Variants in ADGRB3 observed in about 807,000 individuals in gnomAD.
ADGRB3 encodes the protein brain-specific angiogenesis inhibitor 3.
A neutral mutation model predicts 193.4 loss-of-function variants in ADGRB3; 37 were observed. That is an observed-to-expected ratio of 0.19 (90% CI 0.15 to 0.25). ADGRB3 has a LOEUF of 0.25. ADGRB3 is among the 10% of genes least tolerant of loss of function. The pLI is 1.00. For missense variants in ADGRB3, 1,637 were observed against 1,852.9 expected, an observed-to-expected ratio of 0.88 and a Z score of 2.14; for synonymous variants, 690 against 644.2, an observed-to-expected ratio of 1.07 and a Z score of -1.08.
At chr6:68,733,030 C>T (rs564183314) in intron 3 of ADGRB3, among the ~76,000 whole-genome samples, 194 of 151,762 alleles carry the variant, frequency 1.3e-3, no homozygotes, top group South Asian at 6.4e-3. Flanking sequence ...TATTTACCAC[C>T]ATCTTTATAA....
At chr6:69,025,074 A>C (rs1429997312) in intron 13 of ADGRB3, among the ~76,000 whole-genome samples, 3 of 149,866 alleles carry the variant, frequency 2.0e-5, no homozygotes, top group African/African-American at 7.4e-5. Flanking sequence ...CCTGGGCGAC[A>C]GAGCGAGACT....
intron 11 of ADGRB3, among the ~76,000 whole-genome samples, chr6:69,006,013 A>G (rs975025458): frequency 3.3e-5 from 5 of 152,106 alleles, no homozygotes; most frequent in African/African-American, 9.7e-5. Context: ...CAACCATGGT[A>G]TTGGGCCTCT....
intron 3 of ADGRB3, among the ~76,000 whole-genome samples, chr6:68,762,495 T>C (rs560875697): frequency 9.9e-5 from 15 of 151,770 alleles, no homozygotes; most frequent in African/African-American, 3.6e-4. Context: ...AATATATATA[T>C]ATAGAGAGAG....
At chr6:68,871,138 G>T (rs560138525) in intron 3 of ADGRB3, among the ~76,000 whole-genome samples, 3 of 152,078 alleles carry the variant, frequency 2.0e-5, no homozygotes, top group African/African-American at 7.2e-5. Flanking sequence ...AGACAGAAAT[G>T]ATAAAAAAAG....
intron 17 of ADGRB3, among the ~76,000 whole-genome samples, chr6:69,145,071 T>C (rs1774447789): frequency 2.0e-5 from 3 of 152,214 alleles, no homozygotes; most frequent in Admixed American, 6.5e-5. Context: ...GTCACTTCAT[T>C]AGCCAGCAAC....
At chr6:68,974,643 A>AG in intron 8 of ADGRB3, 120 bp from the exon 9 acceptor site, 1 of 723,704 alleles carries the variant, frequency 1.4e-6, no homozygotes, top group Non-Finnish European at 2.3e-6. Context: ...TCTAAAAAAA[A>AG]GAAAGAAAAA....
intron 3 of ADGRB3, among the ~76,000 whole-genome samples, chr6:68,747,784 A>T (rs1766112843): frequency 6.6e-6 from 1 of 152,172 alleles, no homozygotes; most frequent in Non-Finnish European, 1.5e-5. Context: ...CCCTTAAGTT[A>T]TCATTTGGCA....
chr6:68,772,910 TATATATATATATATATATATATAC>T (rs1766663859), intron 3 of ADGRB3, among the ~76,000 whole-genome samples: 2 of 48,282 alleles, frequency 4.1e-5, no homozygotes, highest in African/African-American at 1.3e-4. Context: ...TATATATATA[TATATATATATATATATATATATAC>T]ATACACACAC....
chr6:69,015,710 A>G (rs968318891), intron 12 of ADGRB3, among the ~76,000 whole-genome samples: 1 of 152,002 alleles, frequency 6.6e-6, no homozygotes, highest in Non-Finnish European at 1.5e-5. Context: ...GGCTATTGAC[A>G]TTGGAAGTTT....
chr6:68,710,652 C>CA (rs1765394046), intron 3 of ADGRB3, among the ~76,000 whole-genome samples: 1 of 152,158 alleles, frequency 6.6e-6, no homozygotes, highest in Admixed American at 6.5e-5. Context: ...CTGGCCTCTG[C>CA]AGTGTATATC....
intron 17 of ADGRB3, among the ~76,000 whole-genome samples, chr6:69,195,817 A>G (rs1322311578): frequency 6.6e-6 from 1 of 152,172 alleles, no homozygotes; most frequent in African/African-American, 2.4e-5. Flanking sequence ...GTTTCTCAAT[A>G]TCAGTTTAAA....
intron 20 of ADGRB3, among the ~76,000 whole-genome samples, chr6:69,281,567 T>C (rs764398715): frequency 6.6e-6 from 1 of 152,172 alleles, no homozygotes; most frequent in African/African-American, 2.4e-5. Flanking sequence ...GGGTCTAAGC[T>C]TTTAGCCCAT....
At chr6:69,095,784 A>G (rs1283359531) in intron 17 of ADGRB3, among the ~76,000 whole-genome samples, 2 of 152,180 alleles carry the variant, frequency 1.3e-5, no homozygotes, top group Admixed American at 6.6e-5. Context: ...ACATGATAAT[A>G]CAACATACAC....
At chr6:69,000,202 CAA>C (rs2150278485) in intron 11 of ADGRB3, among the ~76,000 whole-genome samples, 1 of 151,614 alleles carries the variant, frequency 6.6e-6, no homozygotes, top group South Asian at 2.1e-4. Flanking sequence ...AAAAAAGAAA[CAA>C]AGAAGGGATA....
intron 6 of ADGRB3, among the ~76,000 whole-genome samples, chr6:68,948,791 T>C (rs1767840090): frequency 6.6e-6 from 1 of 152,060 alleles, no homozygotes; most frequent in Admixed American, 6.6e-5. Context: ...AAGACTAAAA[T>C]AAATGAAAGT....
chr6:69,182,134 C>A (rs2150351808), intron 17 of ADGRB3, among the ~76,000 whole-genome samples: 1 of 152,108 alleles, frequency 6.6e-6, no homozygotes, highest in African/African-American at 2.4e-5. Flanking sequence ...CACAGATGCA[C>A]CCATGAGACA....
At chr6:69,033,775 T>G (rs1770784470) in intron 13 of ADGRB3, among the ~76,000 whole-genome samples, 1 of 152,070 alleles carries the variant, frequency 6.6e-6, no homozygotes, top group South Asian at 2.1e-4. Context: ...AAGGAAAAGT[T>G]AGGTGGCTTT....
At position 69,004,843 on chromosome 6, in the gene ADGRB3, T is replaced by C. The variant is rs1769699426; in HGVS notation, c.1930-9195T>C. On this transcript the variant is annotated intron_variant, in intron 11 of 31. Coordinates refer to ENST00000370598, the MANE Select transcript of ADGRB3 (RefSeq NM_001704.3). ...GATATAGTGAGCCTATAACAAGGAATCTTGAAGGACTATGAGAATTTTCTT... is the reference window on the plus strand; with the variant it reads ...GATATAGTGAGCCTATAACAAGGAACCTTGAAGGACTATGAGAATTTTCTT... Among the ~76,000 whole-genome samples the C allele has an allele frequency of 2.0e-5, 3 of 152,106 alleles. No homozygotes were observed. The South Asian group carries it at 6.2e-4, about 32-fold the overall frequency.
chr6:69,206,060 T>TATAC (rs1186728968), intron 17 of ADGRB3, among the ~76,000 whole-genome samples: 12 of 141,036 alleles, frequency 8.5e-5, no homozygotes, highest in African/African-American at 3.1e-4. Flanking sequence ...TATATATATA[T>TATAC]ATATATATAT....
Sources: allele counts gnomAD v4.1 joint callset (sites outside exome capture counted in the v4.1 genomes callset), GRCh38; gene constraint gnomAD v4.1.1; transcripts MANE v1.5; gene names NCBI Gene and HGNC (gene_info 2026-07-23, HGNC 2026-07-21).